Variants in LBR observed in about 807,000 individuals in gnomAD.
LBR encodes the protein delta(14)-sterol reductase LBR.
In LBR, 28 loss-of-function variants were observed where a neutral mutation model predicts 74.3. The observed-to-expected ratio is 0.38, with a 90% confidence interval of 0.28 to 0.52. The LOEUF is 0.52. LBR is among the 20% of genes least tolerant of loss of function. LBR has a pLI of 0.89. For missense variants in LBR, 717 were observed against 760.3 expected (o/e 0.94, Z 0.67); for synonymous variants, 228 against 269.3 (o/e 0.85, Z 1.50).
Position 225,403,272 on chromosome 1 carries a change from A to G in LBR, c.*31T>C. The G allele has an allele frequency of 1.2e-6, 2 of 1,605,942 alleles. No homozygotes were observed. The highest frequency in any genetic ancestry group is 1.7e-6 in the Non-Finnish European group (2 of 1,172,526). On this transcript the variant is annotated 3_prime_UTR_variant, in exon 14 of 14. Coordinates refer to ENST00000272163, the MANE Select transcript of LBR (RefSeq NM_002296.4). ...TTTTGCAAATGGCAGCTGGAATTGC[A>G]GGAGTATTTTGTAGAAAAGCCAGAA...
At chr1:225,418,267 C>T (rs1460796253) in intron 5 of LBR, 87 bp from the exon 6 acceptor site, 2 of 1,381,622 alleles carry the variant, frequency 1.4e-6, no homozygotes, top group Admixed American at 2.0e-5. Context: ...AAGATCAGAA[C>T]TCGTTATCTG....
At chr1:225,404,308 C>A in intron 13 of LBR, 96 bp downstream of exon 13, 2 of 1,556,592 alleles carry the variant, frequency 1.3e-6, no homozygotes, top group Non-Finnish European at 1.8e-6. Context: ...AAAAGACTCA[C>A]ACCCACCTTG....
At chr1:225,409,316 A>G (rs183829458) in intron 10 of LBR, among the ~76,000 whole-genome samples, 1 of 152,206 alleles carries the variant, frequency 6.6e-6, no homozygotes, top group South Asian at 2.1e-4. Context: ...ATCTTCCTAA[A>G]TAACAAGGAG....
chr1:225,426,478 C>T (rs535369929), intron 1 of LBR, among the ~76,000 whole-genome samples: 2 of 152,346 alleles, frequency 1.3e-5, no homozygotes, highest in South Asian at 2.1e-4. Flanking sequence ...AACACGGAGA[C>T]CCTCAGGTTT....
chr1:225,412,779 A>T, intron 7 of LBR, 134 bp from the exon 8 acceptor site: 1 of 782,364 alleles, frequency 1.3e-6, no homozygotes, highest in Non-Finnish European at 2.1e-6. Context: ...AATACACACA[A>T]ATATGCAAAT....
chr1:225,413,308 C>T (rs1575224002), intron 7 of LBR, among the ~76,000 whole-genome samples: 1 of 152,344 alleles, frequency 6.6e-6, no homozygotes, highest in South Asian at 2.1e-4. Flanking sequence ...AAAGCACCCG[C>T]CCTGTGACGC....
intron 8 of LBR, among the ~76,000 whole-genome samples, 175 bp from the exon 9 acceptor site, chr1:225,411,615 C>T (rs1481935479): frequency 6.6e-6 from 1 of 152,218 alleles, no homozygotes; most frequent in Non-Finnish European, 1.5e-5. Flanking sequence ...CAGGAGATGC[C>T]TGCCCGACTG....
intron 10 of LBR, among the ~76,000 whole-genome samples, chr1:225,408,929 A>G (rs1575220839): frequency 6.6e-6 from 1 of 152,228 alleles, no homozygotes. Context: ...AGAAGAAATA[A>G]TCACTGATCA....
intron 8 of LBR, among the ~76,000 whole-genome samples, chr1:225,411,663 C>G (rs1159688829): frequency 6.6e-6 from 1 of 152,194 alleles, no homozygotes; most frequent in Non-Finnish European, 1.5e-5. Context: ...GAGCCGGGGG[C>G]CCAGGTTTCT....
rs41307740 is a variant in LBR, at chr1:225,413,912, C to A, written c.893-1267G>T. ...GTGCTCAGTCTCTGAATGTACCACA[C>A]CCCTCAGAGGGAAGTGAAAATATAA... On this transcript the variant is annotated intron_variant, in intron 7 of 13. Transcript: ENST00000272163. The A allele has an allele frequency of 6.1e-3, 2,807 of 456,924 alleles. 14 individuals are homozygous for A. The highest frequency in any genetic ancestry group is 9.8e-3 in the Non-Finnish European group (2,232 of 226,990). The allele number at this position is 456,924 out of a possible 1,614,324, so 28.3% of individuals were successfully genotyped here.
chr1:225,411,314 A>G, intron 9 of LBR, 23 bp downstream of exon 9: 1 of 1,532,956 alleles, frequency 6.5e-7, no homozygotes, highest in Non-Finnish European at 9.0e-7. Flanking sequence ...ATTGAAATTT[A>G]GAAGAAAAAA....
chr1:225,422,490 T>C, intron 2 of LBR: 6 of 579,786 alleles, frequency 1.0e-5, no homozygotes, highest in Non-Finnish European at 1.2e-5. Flanking sequence ...AGCCTTTCCA[T>C]TCCTGTTCTT....
chr1:225,414,347 A>G (rs1404011000), intron 7 of LBR: 4 of 342,440 alleles, frequency 1.2e-5, no homozygotes, highest in Non-Finnish European at 1.7e-5. Context: ...TTAAAAAATG[A>G]AGAATTGAAA....
intron 3 of LBR, among the ~76,000 whole-genome samples, chr1:225,421,455 T>C (rs575236935): frequency 1.5e-4 from 23 of 152,400 alleles, no homozygotes; most frequent in African/African-American, 5.3e-4. Context: ...ATTGCGCCAC[T>C]GCGCTCCAGC....
intron 3 of LBR, 134 bp downstream of exon 3, chr1:225,421,943 T>A: frequency 1.2e-6 from 1 of 815,388 alleles, no homozygotes. Context: ...ATTTGTTTTA[T>A]ATGAAAACTC....
At chr1:225,418,437 C>T (rs1460188700) in intron 5 of LBR, among the ~76,000 whole-genome samples, 1 of 151,158 alleles carries the variant, frequency 6.6e-6, no homozygotes, top group African/African-American at 2.4e-5. Flanking sequence ...ATAGCTACAC[C>T]CACCTCAGAA....
In LBR at chr1:225,403,544, C is replaced by G. The variant is rs2096085511; in HGVS notation, c.1688-81G>C. On this transcript the variant is annotated intron_variant, in intron 13 of 13. Transcript: ENST00000272163. ...TTTTTCCTGCTTTCCCCCAAATTCT[C>G]TAAAAATGGAACCACAAGGTACTTC... 3.5e-6 allele frequency: 4 copies of G among 1,140,296 alleles called. No homozygotes were observed. In the African/African-American group the frequency reaches 4.7e-5, roughly 13 times the overall value. 70.6% of individuals were successfully genotyped at this position (1,140,296 alleles called of 1,614,324 possible). A position where few individuals can be genotyped will look rare whatever the true frequency, so the allele number is the denominator to read the frequency against.
intron 1 of LBR, among the ~76,000 whole-genome samples, chr1:225,426,867 C>T (rs2096140209): frequency 6.6e-6 from 1 of 152,230 alleles, no homozygotes; most frequent in African/African-American, 2.4e-5. Flanking sequence ...TCATTCCCCT[C>T]CTGCTCGTTC....
chr1:225,411,186 TACAAG>T (rs1420567870), intron 9 of LBR, 146 bp downstream of exon 9: 1 of 692,750 alleles, frequency 1.4e-6, no homozygotes. Context: ...GGAAAATACT[TACAAG>T]AAAGTATTTT....
Sources: allele counts gnomAD v4.1 joint callset (sites outside exome capture counted in the v4.1 genomes callset), GRCh38; gene constraint gnomAD v4.1.1; transcripts MANE v1.5; gene names NCBI Gene and HGNC (gene_info 2026-07-23, HGNC 2026-07-21).